ARNT2: variants seen among roughly 807,000 people sequenced by gnomAD.
The protein encoded by ARNT2 is aryl hydrocarbon receptor nuclear translocator 2.
A neutral mutation model predicts 91.7 loss-of-function variants in ARNT2; 36 were observed. That is an observed-to-expected ratio of 0.39 (90% CI 0.30 to 0.52). The LOEUF (loss-of-function observed/expected upper bound fraction) is 0.52. ARNT2 is among the 20% of genes least tolerant of loss of function. The pLI, the probability that ARNT2 is intolerant of heterozygous loss-of-function variation, is 0.72. For missense variants in ARNT2, 775 were observed against 939.3 expected (o/e 0.83, Z 2.29); for synonymous variants, 365 against 347.1 (o/e 1.05, Z -0.57).
Position 80,452,562 on chromosome 15 carries a change from T to A in ARNT2, c.146+1568T>A, listed in dbSNP as rs190629850. On this transcript the variant is annotated intron_variant, in intron 2 of 18. Transcript: ENST00000303329. ...TTTTACAATTCCAGGCCTTTTAAAA[T>A]TATTTTAAATGTCTATGTGCACTCT... Among the ~76,000 whole-genome samples the A allele has an allele frequency of 1.4e-4, 21 of 152,320 alleles. No individual in the cohort carries two copies. In the East Asian group the frequency reaches 4.0e-3, roughly 29 times the overall value.
intron 17 of ARNT2, among the ~76,000 whole-genome samples, chr15:80,589,893 C>A (rs1351613874): frequency 6.6e-6 from 1 of 152,202 alleles, no homozygotes. Flanking sequence ...AGATTTAAAT[C>A]TCTCTTATGC....
chr15:80,505,347 C>T (rs565280797), intron 5 of ARNT2, among the ~76,000 whole-genome samples: 1 of 152,178 alleles, frequency 6.6e-6, no homozygotes, highest in East Asian at 1.9e-4. Flanking sequence ...AGCCATCCAT[C>T]CAGAAATGCA....
chr15:80,577,521 G>A (rs1347023561), intron 15 of ARNT2, among the ~76,000 whole-genome samples: 1 of 152,230 alleles, frequency 6.6e-6, no homozygotes, highest in Non-Finnish European at 1.5e-5. Context: ...CTGACTTCTG[G>A]GGAGACAGAA....
At chr15:80,455,878 T>C (rs557293144) in intron 2 of ARNT2, among the ~76,000 whole-genome samples, 12 of 152,344 alleles carry the variant, frequency 7.9e-5, no homozygotes, top group African/African-American at 2.6e-4. Context: ...CTTTGGAATG[T>C]TGAAACTGCT....
In ARNT2 at chr15:80,591,513, C is replaced by A; in HGVS notation, c.1919-55C>A. On this transcript the variant is annotated intron_variant, in intron 17 of 18. Coordinates refer to ENST00000303329, the MANE Select transcript of ARNT2 (RefSeq NM_014862.4). The surrounding 1 kb of genome is among the most constrained non-coding windows in gnomAD (Gnocchi z 5.1). ...TCCAGCCGCAGTGGTTCTTAGGTCT[C>A]ACAGAACCACGGGATGGCTTTTAAA... 2 of 1,607,202 alleles carry A rather than the reference C, an allele frequency of 1.2e-6. No homozygotes were observed. The highest frequency in any genetic ancestry group is 1.7e-6 in the Non-Finnish European group (2 of 1,175,052).
chr15:80,422,343 C>T (rs1301490055), intron 1 of ARNT2, among the ~76,000 whole-genome samples: 1 of 152,156 alleles, frequency 6.6e-6, no homozygotes, highest in East Asian at 1.9e-4. Flanking sequence ...GACATATCAC[C>T]TATACAGGAG....
At chr15:80,523,049 T>C (rs768201340) in intron 8 of ARNT2, among the ~76,000 whole-genome samples, 2 of 152,056 alleles carry the variant, frequency 1.3e-5, no homozygotes, top group African/African-American at 2.4e-5. Flanking sequence ...AGAGTTCTCA[T>C]AAGTGAATGT....
chr15:80,509,951 A>G (rs1357335194), intron 6 of ARNT2, among the ~76,000 whole-genome samples: 3 of 152,200 alleles, frequency 2.0e-5, no homozygotes. Flanking sequence ...TTTACTCTGC[A>G]TGAGATGAGA....
rs184395069 is a variant in ARNT2, at chr15:80,512,770, C to T, written c.726-1141C>T. Among the ~76,000 whole-genome samples, 11 of 152,274 alleles carry T rather than the reference C, an allele frequency of 7.2e-5. No homozygotes were observed. The East Asian group carries it at 2.1e-3, about 29-fold the overall frequency. On this transcript the variant is annotated intron_variant, in intron 6 of 18. Coordinates refer to ENST00000303329, the MANE Select transcript of ARNT2 (RefSeq NM_014862.4). ...GCCCATAAAGCCATTATCACTGCCCCGTCAATGAAATTCATGCAGTCCCTT... is the reference window on the plus strand; with the variant it reads ...GCCCATAAAGCCATTATCACTGCCCTGTCAATGAAATTCATGCAGTCCCTT...
In ARNT2 at chr15:80,597,367, A is replaced by G; in HGVS notation, c.*3669A>G. The G allele has an allele frequency of 2.0e-6, 1 of 503,626 alleles. No homozygotes were observed. Among genetic ancestry groups the G allele is most frequent in the South Asian group, 1.4e-5 (1 of 70,006 alleles). The allele number at this position is 503,626 out of a possible 1,614,324, so 31.2% of individuals were successfully genotyped here. A position where few individuals can be genotyped will look rare whatever the true frequency, so the allele number is the denominator to read the frequency against. On this transcript the variant is annotated 3_prime_UTR_variant, in exon 19 of 19. Transcript: ENST00000303329. ...ACAAGTCAGAATAGAAGTGTCCTTT[A>G]TATTACCAGAAAATATGGGCTTGGC...
chr15:80,578,591 G>T (rs1452316513), intron 15 of ARNT2, among the ~76,000 whole-genome samples: 1 of 151,614 alleles, frequency 6.6e-6, no homozygotes, highest in Admixed American at 6.6e-5. Flanking sequence ...CCAGCGTGAG[G>T]TGCAGAGCCT....
intron 8 of ARNT2, among the ~76,000 whole-genome samples, chr15:80,542,099 C>T (rs73494709): frequency 0.011 from 1,647 of 152,316 alleles, 24 homozygotes; most frequent in African/African-American, 0.038. Flanking sequence ...GCATTCATTC[C>T]GTTAATGAAT....
chr15:80,540,544 A>C (rs939166249), intron 8 of ARNT2, among the ~76,000 whole-genome samples: 1 of 152,034 alleles, frequency 6.6e-6, no homozygotes. Flanking sequence ...GTGCAGGTTT[A>C]TTGCCTGGGT....
At chr15:80,458,007 A>G (rs745778076) in intron 3 of ARNT2, 31 bp downstream of exon 3, 2 of 1,592,982 alleles carry the variant, frequency 1.3e-6, no homozygotes, top group Admixed American at 1.7e-5. Context: ...TTAGACTTAA[A>G]GAAGGCAATA....
chr15:80,514,485 C>A, intron 8 of ARNT2, 80 bp downstream of exon 8: 6 of 1,231,534 alleles, frequency 4.9e-6, no homozygotes, highest in South Asian at 1.2e-5. Flanking sequence ...GAGAAGTATT[C>A]TCATAGGAAT....
intron 3 of ARNT2, among the ~76,000 whole-genome samples, chr15:80,468,855 G>A (rs148089377): frequency 2.0e-5 from 3 of 152,268 alleles, no homozygotes; most frequent in East Asian, 3.9e-4. Flanking sequence ...GGCTCAGGTC[G>A]CTCTGCAGTG....
chr15:80,429,978 G>A (rs964863542), intron 1 of ARNT2, among the ~76,000 whole-genome samples: 1 of 152,006 alleles, frequency 6.6e-6, no homozygotes, highest in Non-Finnish European at 1.5e-5. Context: ...ACATCCCTGG[G>A]ACATCACTGT....
In ARNT2 at chr15:80,585,335, CCTGTA is replaced by C. The variant is rs1898876673; in HGVS notation, c.1918+3932_1918+3936del. ...CAAAGTAAGTGGGGAAAGTGTTGTG[CCTGTA>C]GGGCCCAGTCAGGAGACAGAAACCA... is the stretch of plus-strand genomic sequence containing the variant. On this transcript the variant is annotated intron_variant, in intron 17 of 18. Transcript: ENST00000303329. Among the ~76,000 whole-genome samples, 6 of 152,196 alleles carry C rather than the reference CCTGTA, an allele frequency of 3.9e-5. No homozygotes were observed. In the South Asian group the frequency reaches 1.2e-3, roughly 32 times the overall value.
intron 1 of ARNT2, among the ~76,000 whole-genome samples, chr15:80,409,241 C>T (rs1895648425): frequency 6.6e-6 from 1 of 152,242 alleles, no homozygotes; most frequent in African/African-American, 2.4e-5. Context: ...TCATTCCTCC[C>T]ACTTCCGAAT....
Sources: gnomAD v4.1 joint callset for allele counts (sites outside exome capture counted in the v4.1 genomes callset) on GRCh38, gnomAD v4.1.1 for gene constraint, Gnocchi (gnomAD v3.1) non-coding constraint, MANE v1.5 for transcripts, NCBI Gene and HGNC (gene_info 2026-07-23, HGNC 2026-07-21) for gene names.